The following ANKS1A variants were observed in gnomAD, a reference collection of about 807,000 sequenced individuals.
The protein encoded by ANKS1A is ankyrin repeat and SAM domain-containing protein 1A.
Under a neutral mutation model 120.3 loss-of-function variants are expected in ANKS1A, and 55 were observed. The ratio of observed to expected loss-of-function variants is 0.46; its 90% CI spans 0.37 to 0.57. The LOEUF (loss-of-function observed/expected upper bound fraction) is 0.57. Among genes scored for constraint, ANKS1A ranks in the 20% least tolerant of loss-of-function variants. The probability of loss-of-function intolerance (pLI) is 0.00; values close to 1 mark genes in which losing one functional copy is unlikely to be tolerated. For missense variants in ANKS1A, 1,123 were observed against 1,480.3 expected, an observed-to-expected ratio of 0.76 and a Z score of 3.96; for synonymous variants, 590 against 604.7, an observed-to-expected ratio of 0.98 and a Z score of 0.36.
At chr6:35,054,977 T>C (rs183895363) in intron 12 of ANKS1A, among the ~76,000 whole-genome samples, 1 of 152,350 alleles carries the variant, frequency 6.6e-6, no homozygotes. Flanking sequence ...AATGCCTCTC[T>C]GCCCTGAAGG....
At chr6:34,996,328 A>G (rs192863338) in intron 10 of ANKS1A, among the ~76,000 whole-genome samples, 15 of 152,334 alleles carry the variant, frequency 9.8e-5, no homozygotes, top group Middle Eastern at 3.4e-3. Context: ...TATATTTTAC[A>G]TACAAATTCT....
intron 10 of ANKS1A, among the ~76,000 whole-genome samples, chr6:34,995,181 C>A (rs1185357412): frequency 6.6e-6 from 1 of 152,156 alleles, no homozygotes; most frequent in Non-Finnish European, 1.5e-5. Flanking sequence ...CTAAGACATT[C>A]CATGGTTCAG....
chr6:35,097,271 G>A, the ANKS1A span, among the ~76,000 whole-genome samples: 3 of 80,098 alleles, frequency 3.7e-5, no homozygotes, highest in Non-Finnish European at 8.3e-5. Flanking sequence ...CACTTTGGGA[G>A]GCCGAGGCAG....
intron 1 of ANKS1A, among the ~76,000 whole-genome samples, chr6:34,923,751 A>G (rs1179646673): frequency 1.3e-5 from 2 of 152,208 alleles, no homozygotes; most frequent in South Asian, 2.1e-4. Flanking sequence ...CTGTGAGACC[A>G]GAGGAAATGA....
At chr6:35,071,937 C>T (rs906108600) in intron 13 of ANKS1A, among the ~76,000 whole-genome samples, 30 of 152,254 alleles carry the variant, frequency 2.0e-4, no homozygotes, top group African/African-American at 6.0e-4. Context: ...GGCTGCCCTG[C>T]AACCCTCAGT....
downstream of ANKS1A, among the ~76,000 whole-genome samples, chr6:35,092,917 C>G (rs1353223354): frequency 1.3e-5 from 2 of 152,164 alleles, no homozygotes. Flanking sequence ...ATGACCAGGC[C>G]ACGGAGGAGG....
chr6:35,076,682 G>A (rs1777373974), intron 13 of ANKS1A, among the ~76,000 whole-genome samples: 1 of 152,182 alleles, frequency 6.6e-6, no homozygotes, highest in African/African-American at 2.4e-5. Context: ...AGGCTAGAGT[G>A]CAGTGGCGTG....
intron 13 of ANKS1A, among the ~76,000 whole-genome samples, chr6:35,062,745 G>A (rs1231587853): frequency 6.6e-6 from 1 of 152,180 alleles, no homozygotes; most frequent in African/African-American, 2.4e-5. Flanking sequence ...TGGTCTGATC[G>A]CCCTCTCTGC....
In ANKS1A at chr6:34,983,118, G is replaced by T; in HGVS notation, c.814G>T (p.Asp272Tyr). The T allele has an allele frequency of 1.2e-6, 2 of 1,613,970 alleles. No homozygotes were observed. The highest frequency in any genetic ancestry group is 2.2e-5 in the South Asian group (2 of 90,996). ...CACCTGGTGTGCCTTTCTAGGAACTGACGTCAACATAAAAGATAACCATGG... is the reference window on the plus strand; with the variant it reads ...CACCTGGTGTGCCTTTCTAGGAACTTACGTCAACATAAAAGATAACCATGG... The part of the protein sequence containing the change: ...VVQILLAAGT[D>Y]VNIKDNHGLT... The change falls in exon 6 of 24, where the codon GAC becomes TAC. Residue 272 changes from aspartate (D) to tyrosine (Y), a missense_variant. Physicochemically the swap from Asp to Tyr is radical, Grantham distance 160. Transcript: ENST00000360359.
chr6:35,039,679 A>G (rs1411396583), intron 11 of ANKS1A: 2 of 455,070 alleles, frequency 4.4e-6, no homozygotes, highest in African/African-American at 4.0e-5. Flanking sequence ...TTCTCCTGAA[A>G]GAGGCAAGTG....
intron 1 of ANKS1A, among the ~76,000 whole-genome samples, chr6:34,951,083 G>T (rs1470103047): frequency 6.6e-6 from 1 of 152,080 alleles, no homozygotes; most frequent in Non-Finnish European, 1.5e-5. Flanking sequence ...ACAGAAATGA[G>T]ATCATACTGT....
intron 10 of ANKS1A, among the ~76,000 whole-genome samples, chr6:35,000,891 A>C (rs1773132257): frequency 6.6e-6 from 1 of 152,180 alleles, no homozygotes. Flanking sequence ...TAAAAAAAAA[A>C]ATTCTGTGTG....
intron 9 of ANKS1A, among the ~76,000 whole-genome samples, chr6:34,990,215 A>G (rs533760812): frequency 9.2e-5 from 14 of 152,322 alleles, no homozygotes; most frequent in Admixed American, 7.8e-4. Flanking sequence ...GGATGGCTTT[A>G]GTTTAACAAA....
At position 34,975,108 on chromosome 6, in the gene ANKS1A, A is replaced by G. The variant is rs544034616; in HGVS notation, c.435+4942A>G. 7.2e-5 allele frequency among the ~76,000 whole-genome samples: 11 copies of G among 152,342 alleles called. No homozygotes were observed. The East Asian group carries it at 2.1e-3, about 29-fold the overall frequency. On this transcript the variant is annotated intron_variant, in intron 3 of 23. Coordinates refer to ENST00000360359, the MANE Select transcript of ANKS1A (RefSeq NM_015245.3). Reference sequence around the variant, plus strand: ...GTAAGAACATACTTCTTTCTTTGGAAATAATTCCCTTTGCCTCTTCCCTGA... The same window carrying G: ...GTAAGAACATACTTCTTTCTTTGGAGATAATTCCCTTTGCCTCTTCCCTGA...
At chr6:34,983,039 T>A in intron 5 of ANKS1A, 74 bp from the exon 6 acceptor site, 2 of 1,442,170 alleles carry the variant, frequency 1.4e-6, no homozygotes, top group South Asian at 2.3e-5. Flanking sequence ...GCCTTAAATG[T>A]CCTAAAATTT....
chr6:35,039,468 A>T (rs1775348889), intron 11 of ANKS1A: 1 of 410,600 alleles, frequency 2.4e-6, no homozygotes, highest in South Asian at 1.8e-5. Context: ...AAGTGCTGGG[A>T]TTACAGGCGT....
chr6:34,908,971 T>C (rs951573028), intron 1 of ANKS1A, among the ~76,000 whole-genome samples: 1 of 152,158 alleles, frequency 6.6e-6, no homozygotes, highest in East Asian at 1.9e-4. Flanking sequence ...GTTAAGCACT[T>C]GGATATTAAA....
chr6:35,073,121 C>T (rs899665869), intron 13 of ANKS1A, among the ~76,000 whole-genome samples: 10 of 152,218 alleles, frequency 6.6e-5, no homozygotes, highest in Non-Finnish European at 1.3e-4. Context: ...AAGCCCCTAG[C>T]ACAGTGCTGG....
chr6:35,029,786 A>G, intron 11 of ANKS1A, among the ~76,000 whole-genome samples: 1 of 148,434 alleles, frequency 6.7e-6, no homozygotes, highest in East Asian at 1.9e-4. Flanking sequence ...ATATACTTAT[A>G]TGTAATATAC....
Sources: gnomAD v4.1 joint callset for allele counts (sites outside exome capture counted in the v4.1 genomes callset) on GRCh38, gnomAD v4.1.1 for gene constraint, MANE v1.5 for transcripts, NCBI Gene and HGNC (gene_info 2026-07-23, HGNC 2026-07-21) for gene names.